The following UNC79 variants were observed in gnomAD, a reference collection of about 807,000 sequenced individuals.
UNC79 encodes protein unc-79 homolog.
UNC79 carries 37 observed loss-of-function variants against 283.1 expected under a neutral mutation model. That is an observed-to-expected ratio of 0.13 (90% CI 0.10 to 0.17). The LOEUF is 0.17. Among genes scored for constraint, UNC79 ranks in the 10% least tolerant of loss-of-function variants. The pLI is 1.00. For synonymous variants in UNC79, 1,107 were observed against 1,200.2 expected, an observed-to-expected ratio of 0.92 and a Z score of 1.61; for missense variants, 2,272 against 3,211.1, an observed-to-expected ratio of 0.71 and a Z score of 7.07.
chr14:93,572,558 G>C (rs1009034290), intron 15 of UNC79, 135 bp from the exon 16 acceptor site: 12 of 1,277,896 alleles, frequency 9.4e-6, no homozygotes, highest in Non-Finnish European at 1.3e-5. Context: ...GAAATATGCT[G>C]ATAACAGTTC....
intron 27 of UNC79, among the ~76,000 whole-genome samples, chr14:93,615,737 A>AG (rs2066664008): frequency 6.8e-6 from 1 of 146,766 alleles, no homozygotes; most frequent in African/African-American, 2.6e-5. Flanking sequence ...AAAAAAAAAA[A>AG]AAAAAAAAGA....
At chr14:93,347,367 C>A in intron 1 of UNC79, 1 of 1,568,268 alleles carries the variant, frequency 6.4e-7, no homozygotes, top group Non-Finnish European at 8.6e-7. Context: ...ACTCGGGGCC[C>A]CCGCGCCAGC....
chr14:93,675,082 A>G (rs2073219575), intron 41 of UNC79, among the ~76,000 whole-genome samples: 1 of 152,256 alleles, frequency 6.6e-6, no homozygotes. Context: ...CTCTTGCATC[A>G]GAAACCTAGA....
intron 32 of UNC79, among the ~76,000 whole-genome samples, chr14:93,637,865 C>T (rs2068655112): frequency 1.3e-5 from 2 of 152,260 alleles, no homozygotes; most frequent in African/African-American, 4.8e-5. Context: ...CATATCATGC[C>T]ATATCTACTC....
chr14:93,655,654 A>AC (rs2070845389), intron 38 of UNC79, among the ~76,000 whole-genome samples: 2 of 149,976 alleles, frequency 1.3e-5, no homozygotes, highest in Admixed American at 6.6e-5. Context: ...GAAAAAAAAA[A>AC]AAAAAAACAA....
At chr14:93,629,109 G>C (rs1163657518) in intron 30 of UNC79, among the ~76,000 whole-genome samples, 1 of 152,152 alleles carries the variant, frequency 6.6e-6, no homozygotes, top group Admixed American at 6.5e-5. Context: ...TGAGGCAGGA[G>C]AATCACTTGA....
intron 14 of UNC79, among the ~76,000 whole-genome samples, chr14:93,567,930 C>T (rs2141548594): frequency 6.6e-6 from 1 of 152,214 alleles, no homozygotes; most frequent in South Asian, 2.1e-4. Context: ...AAGGCGGGGA[C>T]AACTCGAAAC....
intron 31 of UNC79, 98 bp from the exon 34 acceptor site, chr14:93,634,423 C>T (rs1222985235): frequency 3.4e-6 from 3 of 881,060 alleles, no homozygotes; most frequent in South Asian, 3.3e-5. Flanking sequence ...TTATGAATAG[C>T]AAATGAAGGG....
chr14:93,694,197 C>T (rs1447887530), intron 46 of UNC79, 138 bp from the exon 50 acceptor site: 2 of 622,924 alleles, frequency 3.2e-6, no homozygotes, highest in Non-Finnish European at 5.5e-6. Context: ...GAATGAACAC[C>T]ACTGCCAGTG....
intron 30 of UNC79, among the ~76,000 whole-genome samples, chr14:93,628,268 G>A (rs960402175): frequency 5.9e-5 from 9 of 152,138 alleles, no homozygotes; most frequent in African/African-American, 2.2e-4. Flanking sequence ...ATGCTACCTA[G>A]CCACAGTGAC....
intron 1 of UNC79, among the ~76,000 whole-genome samples, chr14:93,461,399 T>A (rs2056957838): frequency 6.6e-6 from 1 of 152,262 alleles, no homozygotes; most frequent in Admixed American, 6.5e-5. Context: ...TTATGGCTTT[T>A]GCTCTCAAAA....
chr14:93,408,026 A>C (rs967004339), intron 1 of UNC79, among the ~76,000 whole-genome samples: 1 of 152,222 alleles, frequency 6.6e-6, no homozygotes, highest in Non-Finnish European at 1.5e-5. Context: ...TACAGTTACT[A>C]TTACTCAATG....
chr14:93,696,824 T>TA (rs1179382666), intron 47 of UNC79, among the ~76,000 whole-genome samples: 1 of 152,356 alleles, frequency 6.6e-6, no homozygotes, highest in East Asian at 1.9e-4. Context: ...TGTTGTATTT[T>TA]AAAAAATCTT....
exon 30 of UNC79, chr14:93,622,756 G>A (rs776371685): frequency 2.5e-6 from 4 of 1,614,172 alleles, no homozygotes; most frequent in Non-Finnish European, 8.5e-7. Flanking sequence ...GGAAGCAGAG[G>A]AAGATTGCTG....
chr14:93,584,530 G>A (rs906029333), intron 20 of UNC79, among the ~76,000 whole-genome samples: 1 of 152,162 alleles, frequency 6.6e-6, no homozygotes, highest in Admixed American at 6.5e-5. Flanking sequence ...TTTCTGTCAG[G>A]CATTCATGCC....
intron 7 of UNC79, among the ~76,000 whole-genome samples, chr14:93,511,121 G>A (rs940410428): frequency 4.6e-5 from 7 of 152,068 alleles, no homozygotes; most frequent in Middle Eastern, 3.2e-3. Flanking sequence ...GAGGTGCCAC[G>A]CACTTTTAGA....
At chr14:93,705,850 G>A (rs1346975294) in intron 48 of UNC79, among the ~76,000 whole-genome samples, 2 of 152,232 alleles carry the variant, frequency 1.3e-5, no homozygotes, top group Non-Finnish European at 2.9e-5. Context: ...CTAGTGGAAG[G>A]AAAGCGGTAT....
chr14:93,358,622 C>T (rs1056023317), intron 1 of UNC79, among the ~76,000 whole-genome samples: 10 of 152,080 alleles, frequency 6.6e-5, no homozygotes, highest in African/African-American at 2.4e-4. Flanking sequence ...GTGGGAGGAC[C>T]GTGATGAAAC....
chr14:93,378,622 T>A lies in UNC79; in HGVS notation c.-351+45099T>A, dbSNP rs553534422. Among the ~76,000 whole-genome samples the A allele has an allele frequency of 7.9e-5, 12 of 152,330 alleles. No individual in the cohort carries two copies. The South Asian group carries it at 1.9e-3, about 24-fold the overall frequency. ...GCCTGAAGGTAATTCTATACAATAT[T>A]TCAAATAATTTTATGCATGAAACAA... On this transcript the variant is annotated intron_variant, in intron 1 of 49. Transcript: ENST00000256339.
Sources: allele counts gnomAD v4.1 joint callset (sites outside exome capture counted in the v4.1 genomes callset), GRCh38; gene constraint gnomAD v4.1.1; transcripts MANE v1.5; gene names NCBI Gene and HGNC (gene_info 2026-07-23, HGNC 2026-07-21).